The following STXBP5L variants were observed in gnomAD, a reference collection of about 807,000 sequenced individuals.
STXBP5L encodes syntaxin-binding protein 5-like.
A neutral mutation model predicts 144.5 loss-of-function variants in STXBP5L; 65 were observed. The observed-to-expected ratio is 0.45, with a 90% confidence interval of 0.37 to 0.55. The LOEUF (loss-of-function observed/expected upper bound fraction) is 0.55. Among genes scored for constraint, STXBP5L ranks in the 20% least tolerant of loss-of-function variants. The pLI, the probability that STXBP5L is intolerant of heterozygous loss-of-function variation, is 0.00. For missense variants in STXBP5L, 1,298 were observed against 1,405.5 expected, an observed-to-expected ratio of 0.92 and a Z score of 1.22; for synonymous variants, 505 against 469.6, an observed-to-expected ratio of 1.08 and a Z score of -0.97.
At chr3:121,015,956 T>C (rs1945116214) in intron 3 of STXBP5L, among the ~76,000 whole-genome samples, 2 of 152,160 alleles carry the variant, frequency 1.3e-5, no homozygotes, top group African/African-American at 2.4e-5. Context: ...CATCTTACCA[T>C]AACATGCTAA....
chr3:120,918,357 A>G (rs1299430764), intron 2 of STXBP5L, among the ~76,000 whole-genome samples: 1 of 152,174 alleles, frequency 6.6e-6, no homozygotes, highest in Non-Finnish European at 1.5e-5. Flanking sequence ...CTGTACCTAG[A>G]TGTTCATCAC....
chr3:121,100,048 T>G (rs1466572049), intron 5 of STXBP5L, among the ~76,000 whole-genome samples: 1 of 152,174 alleles, frequency 6.6e-6, no homozygotes, highest in African/African-American at 2.4e-5. Context: ...CATGAAAATT[T>G]AACTATCCCA....
At chr3:120,961,237 G>A (rs1244175686) in intron 3 of STXBP5L, among the ~76,000 whole-genome samples, 10 of 147,422 alleles carry the variant, frequency 6.8e-5, no homozygotes, top group East Asian at 3.9e-4. Flanking sequence ...TGTTCACTGA[G>A]GTCAATTAGA....
chr3:121,150,000 T>G (rs1303933844), intron 7 of STXBP5L, among the ~76,000 whole-genome samples: 2 of 152,108 alleles, frequency 1.3e-5, no homozygotes, highest in Non-Finnish European at 1.5e-5. Context: ...GAGGCATTTT[T>G]GTTCAGTTCT....
intron 3 of STXBP5L, among the ~76,000 whole-genome samples, chr3:121,004,914 G>A (rs1447574248): frequency 1.3e-5 from 2 of 152,170 alleles, no homozygotes; most frequent in Non-Finnish European, 2.9e-5. Flanking sequence ...CTTGATCATG[G>A]TGGATAAGCT....
At chr3:120,992,814 TACTC>T (rs766837939) in intron 3 of STXBP5L, among the ~76,000 whole-genome samples, 3 of 152,128 alleles carry the variant, frequency 2.0e-5, no homozygotes, top group Admixed American at 6.6e-5. Context: ...TTTGGATAAA[TACTC>T]AGTAGTAGAA....
chr3:120,993,349 G>A (rs73187406), intron 3 of STXBP5L, among the ~76,000 whole-genome samples: 6,082 of 151,904 alleles, frequency 0.04, 171 homozygotes, highest in Middle Eastern at 0.082. Context: ...TTTTTGTTGC[G>A]TATGCTTTTA....
intron 9 of STXBP5L, among the ~76,000 whole-genome samples, chr3:121,187,611 G>T (rs13078543): frequency 1.5e-5 from 2 of 134,660 alleles, no homozygotes; most frequent in East Asian, 2.3e-4. Context: ...AAAAAAAAAA[G>T]AAAAAAAATA....
chr3:121,211,374 CAG>C (rs1349890470), intron 10 of STXBP5L, among the ~76,000 whole-genome samples: 3 of 152,072 alleles, frequency 2.0e-5, no homozygotes, highest in African/African-American at 7.2e-5. Flanking sequence ...CATCTGTAAA[CAG>C]GGACAATTTG....
chr3:121,088,971 T>C (rs867377031), intron 5 of STXBP5L, among the ~76,000 whole-genome samples: 6 of 102,538 alleles, frequency 5.9e-5, no homozygotes, highest in African/African-American at 2.0e-4. Flanking sequence ...AGGGATAGCA[T>C]TGGGAGATAT....
chr3:121,316,803 A>G (rs965388173), intron 19 of STXBP5L, among the ~76,000 whole-genome samples: 1 of 152,160 alleles, frequency 6.6e-6, no homozygotes, highest in Non-Finnish European at 1.5e-5. Flanking sequence ...ATGGTCCCAG[A>G]TCTCTCACTC....
intron 20 of STXBP5L, among the ~76,000 whole-genome samples, chr3:121,372,690 C>T (rs1022997990): frequency 6.6e-6 from 1 of 151,902 alleles, no homozygotes; most frequent in African/African-American, 2.4e-5. Context: ...GCTCTCAATG[C>T]CTTCCCTCTG....
chr3:121,113,666 C>CTTTTTTTTTT (rs1273804231), intron 5 of STXBP5L, among the ~76,000 whole-genome samples: 4 of 132,876 alleles, frequency 3.0e-5, no homozygotes, highest in Admixed American at 2.4e-4. Flanking sequence ...ATTCTTTTTT[C>CTTTTTTTTTT]TTTTTCTTTT....
chr3:121,397,302 T>C (rs958931684), intron 22 of STXBP5L, among the ~76,000 whole-genome samples: 1 of 152,250 alleles, frequency 6.6e-6, no homozygotes, highest in Admixed American at 6.5e-5. Flanking sequence ...CCATAGGTTG[T>C]ATAACTGAAC....
rs369494346 is a variant in STXBP5L at position 121,315,744 on chromosome 3, A to G, written c.2111-2731A>G. ...GGGCCAGGCGTGATGGCTCATGCTT[A>G]TAATCCCAGCACTTTGGGAGGCTGA... On this transcript the variant is annotated intron_variant, in intron 19 of 26. Coordinates refer to ENST00000471454, the MANE Select transcript of STXBP5L (RefSeq NM_001308330.2). Among the ~76,000 whole-genome samples, 52 of 152,216 alleles carry G rather than the reference A, an allele frequency of 3.4e-4. 1 individual carries two copies. Among genetic ancestry groups the G allele is most frequent in the East Asian group, 2.5e-3 (13 of 5,180 alleles).
chr3:121,199,066 A>G (rs2048034214), intron 9 of STXBP5L, among the ~76,000 whole-genome samples: 1 of 152,156 alleles, frequency 6.6e-6, no homozygotes, highest in South Asian at 2.1e-4. Flanking sequence ...TCTATAAGTT[A>G]CTTTGAACAG....
intron 18 of STXBP5L, among the ~76,000 whole-genome samples, chr3:121,278,819 A>G (rs1449189865): frequency 6.6e-6 from 1 of 151,730 alleles, no homozygotes; most frequent in Admixed American, 6.6e-5. Context: ...TGACCAGTAT[A>G]ACAATACTTT....
chr3:121,057,147 A>G (rs981372778), intron 5 of STXBP5L, among the ~76,000 whole-genome samples: 1 of 151,948 alleles, frequency 6.6e-6, no homozygotes, highest in African/African-American at 2.4e-5. Flanking sequence ...CATGGATGAA[A>G]CTCATAAATA....
intron 20 of STXBP5L, among the ~76,000 whole-genome samples, chr3:121,372,076 T>C (rs976992373): frequency 6.6e-6 from 1 of 152,034 alleles, no homozygotes; most frequent in Non-Finnish European, 1.5e-5. Flanking sequence ...GAGGCTGCTG[T>C]TGGGGGAGGA....
Sources: gnomAD v4.1 joint callset for allele counts (sites outside exome capture counted in the v4.1 genomes callset) on GRCh38, gnomAD v4.1.1 for gene constraint, MANE v1.5 for transcripts, NCBI Gene and HGNC (gene_info 2026-07-23, HGNC 2026-07-21) for gene names.